Variants in SKIC3 observed in about 807,000 individuals in gnomAD.
SKIC3 encodes SKI3 subunit of superkiller complex, also known as superkiller complex protein 3.
the SKIC3 span, among the ~76,000 whole-genome samples, chr5:95,479,966 A>G: frequency 6.6e-6 from 1 of 152,186 alleles, no homozygotes; most frequent in Admixed American, 6.5e-5. Flanking sequence ...ATACATACAC[A>G]GCTGATTTAT....
At chr5:95,469,897 T>C in the SKIC3 span, 53 of 1,614,128 alleles carry the variant, frequency 3.3e-5, no homozygotes, top group African/African-American at 5.3e-4. Context: ...CCAGTGATCA[T>C]TGGAAATGTT....
the SKIC3 span, among the ~76,000 whole-genome samples, chr5:95,551,580 T>C: frequency 6.6e-6 from 1 of 152,244 alleles, no homozygotes; most frequent in African/African-American, 2.4e-5. Context: ...TTTCACTGGC[T>C]TCTTTAGCCC....
the SKIC3 span, among the ~76,000 whole-genome samples, chr5:95,498,170 T>C: frequency 2.0e-5 from 3 of 152,140 alleles, no homozygotes; most frequent in East Asian, 1.9e-4. Flanking sequence ...AATTTATCAA[T>C]TGAATTAAAA....
At chr5:95,530,261 A>G in the SKIC3 span, 2 of 1,610,392 alleles carry the variant, frequency 1.2e-6, no homozygotes. Flanking sequence ...ATTAGTATAC[A>G]TATATCGAGT....
chr5:95,487,126 C>T, the SKIC3 span, among the ~76,000 whole-genome samples: 16 of 152,206 alleles, frequency 1.1e-4, no homozygotes, highest in South Asian at 1.2e-3. Flanking sequence ...AAAGCAAGAC[C>T]GGCCTAGCCT....
chr5:95,523,119 C>T, the SKIC3 span: 12 of 1,562,708 alleles, frequency 7.7e-6, no homozygotes, highest in African/African-American at 1.4e-5. Context: ...CAAAATACAA[C>T]CTGGTAAGAG....
chr5:95,475,976 C>T, the SKIC3 span, among the ~76,000 whole-genome samples: 1 of 152,198 alleles, frequency 6.6e-6, no homozygotes, highest in African/African-American at 2.4e-5. Flanking sequence ...TGCTCCAGGG[C>T]CTTAGGGGAA....
At chr5:95,478,284 T>C in the SKIC3 span, 1 of 1,613,664 alleles carries the variant, frequency 6.2e-7, no homozygotes, top group East Asian at 2.2e-5. Context: ...TATAACATGA[T>C]CTTACCATAC....
chr5:95,490,946 T>C, the SKIC3 span: 5 of 1,614,042 alleles, frequency 3.1e-6, no homozygotes, highest in African/African-American at 5.3e-5. Context: ...CAAGTATAAA[T>C]CTATCCTCTT....
At chr5:95,485,213 C>T in the SKIC3 span, among the ~76,000 whole-genome samples, 1 of 152,292 alleles carries the variant, frequency 6.6e-6, no homozygotes, top group Non-Finnish European at 1.5e-5. Flanking sequence ...ATCACCACAA[C>T]CATGATAATG....
chr5:95,521,093 C>T, the SKIC3 span, among the ~76,000 whole-genome samples: 1 of 151,912 alleles, frequency 6.6e-6, no homozygotes, highest in Non-Finnish European at 1.5e-5. Flanking sequence ...TACTTACCTG[C>T]TAAAACTTTG....
chr5:95,513,171 T>A, the SKIC3 span: 1 of 194,972 alleles, frequency 5.1e-6, no homozygotes, highest in Non-Finnish European at 1.1e-5. Context: ...TAAAAACAAC[T>A]GATGTCATTA....
the SKIC3 span, among the ~76,000 whole-genome samples, chr5:95,485,663 G>C: frequency 1.3e-5 from 2 of 152,092 alleles, no homozygotes; most frequent in African/African-American, 4.8e-5. Flanking sequence ...TAGATTTTCT[G>C]AAAGAATTTG....
At chr5:95,480,004 G>A in the SKIC3 span, among the ~76,000 whole-genome samples, 1 of 151,926 alleles carries the variant, frequency 6.6e-6, no homozygotes, top group Non-Finnish European at 1.5e-5. Context: ...AATTCAATGG[G>A]GACTGAATAG....
the SKIC3 span, among the ~76,000 whole-genome samples, chr5:95,517,662 G>A: frequency 1.3e-5 from 2 of 152,034 alleles, no homozygotes; most frequent in African/African-American, 2.4e-5. Flanking sequence ...TGCTTTTTGT[G>A]TTTAAGCAAT....
chr5:95,520,647 T>C, the SKIC3 span: 1 of 1,251,060 alleles, frequency 8.0e-7, no homozygotes, highest in South Asian at 1.3e-5. Context: ...ATACATAAAA[T>C]GATCTTCTAA....
At chr5:95,553,932 TAAAC>T in the SKIC3 span, among the ~76,000 whole-genome samples, 1 of 152,212 alleles carries the variant, frequency 6.6e-6, no homozygotes, top group Non-Finnish European at 1.5e-5. Flanking sequence ...CACTAACAGA[TAAAC>T]TAACTGCAGA....
At chr5:95,517,396 TAAAAC>T in the SKIC3 span, 9 of 1,522,282 alleles carry the variant, frequency 5.9e-6, no homozygotes, top group Non-Finnish European at 8.9e-7. Context: ...GATTATTACT[TAAAAC>T]AGAAAAACTG....
the SKIC3 span, among the ~76,000 whole-genome samples, chr5:95,549,578 C>T: frequency 6.6e-6 from 1 of 151,764 alleles, no homozygotes; most frequent in Non-Finnish European, 1.5e-5. Context: ...TATTCTCTTC[C>T]AATTCCTTCT....
Sources: gnomAD v4.1 joint callset for allele counts (sites outside exome capture counted in the v4.1 genomes callset) on GRCh38, gnomAD v4.1.1 for gene constraint, MANE v1.5 for transcripts, NCBI Gene and HGNC (gene_info 2026-07-23, HGNC 2026-07-21) for gene names.